Variants in SYT1 observed in about 807,000 individuals in gnomAD.
SYT1 encodes synaptotagmin 1.
Under a neutral mutation model 44.8 loss-of-function variants are expected in SYT1, and 8 were observed. The ratio of observed to expected loss-of-function variants is 0.18; its 90% CI spans 0.10 to 0.32. The LOEUF is 0.32. Among genes scored for constraint, SYT1 ranks in the 10% least tolerant of loss-of-function variants. SYT1 has a pLI of 1.00. For synonymous variants in SYT1, 154 were observed against 188.8 expected, an observed-to-expected ratio of 0.82 and a Z score of 1.51; for missense variants, 286 against 509.3, an observed-to-expected ratio of 0.56 and a Z score of 4.22.
chr12:79,179,518 T>G (rs549065536), intron 3 of SYT1, among the ~76,000 whole-genome samples: 24 of 68,388 alleles, frequency 3.5e-4, no homozygotes, highest in South Asian at 1.1e-3. Context: ...TATAGATATA[T>G]CTATATAGAT....
At chr12:79,160,984 A>G (rs983285469) in intron 3 of SYT1, among the ~76,000 whole-genome samples, 2 of 152,122 alleles carry the variant, frequency 1.3e-5, no homozygotes, top group Admixed American at 1.3e-4. Context: ...TGGAGTCTCA[A>G]CATTTTGGGA....
chr12:79,391,821 T>G (rs1884667772), intron 9 of SYT1, among the ~76,000 whole-genome samples: 1 of 152,170 alleles, frequency 6.6e-6, no homozygotes, highest in Non-Finnish European at 1.5e-5. Flanking sequence ...CAAAGGATTT[T>G]AAAATACTGA....
At chr12:79,115,254 G>C (rs775031432) in intron 3 of SYT1, among the ~76,000 whole-genome samples, 9 of 152,150 alleles carry the variant, frequency 5.9e-5, no homozygotes, top group Non-Finnish European at 1.0e-4. Context: ...GGGCAGGACT[G>C]AGTTGCACAT....
chr12:79,072,611 AACTT>A (rs1251054734), intron 3 of SYT1, among the ~76,000 whole-genome samples: 1 of 152,120 alleles, frequency 6.6e-6, no homozygotes, highest in Non-Finnish European at 1.5e-5. Flanking sequence ...GAATGTTACA[AACTT>A]ACTGTATCCA....
chr12:78,996,312 GA>G (rs1870378148), intron 2 of SYT1, among the ~76,000 whole-genome samples: 1 of 152,168 alleles, frequency 6.6e-6, no homozygotes, highest in South Asian at 2.1e-4. Context: ...TTTTGCCTTA[GA>G]AAAATGTTAC....
intron 2 of SYT1, among the ~76,000 whole-genome samples, chr12:79,007,766 C>A (rs1039089993): frequency 6.6e-6 from 1 of 151,974 alleles, no homozygotes; most frequent in East Asian, 1.9e-4. Flanking sequence ...GAGCTCAATT[C>A]TCATTAGAGA....
At chr12:79,435,757 G>A (rs1565956921) in intron 9 of SYT1, among the ~76,000 whole-genome samples, 1 of 152,106 alleles carries the variant, frequency 6.6e-6, no homozygotes, top group African/African-American at 2.4e-5. Flanking sequence ...TGACATTTTG[G>A]GCCTGGTAAT....
chr12:78,883,147 A>G (rs1167231104), intron 1 of SYT1, among the ~76,000 whole-genome samples: 2 of 151,738 alleles, frequency 1.3e-5, no homozygotes, highest in Non-Finnish European at 3.0e-5. Flanking sequence ...TCGAACAGTA[A>G]TACACTAAAT....
In SYT1 at chr12:79,422,480, G is replaced by T. The variant is rs939642705; in HGVS notation, c.929-21593G>T. On this transcript the variant is annotated intron_variant, in intron 9 of 10. Transcript: ENST00000261205. Reference sequence around the variant, plus strand: ...CTTCTCTGTTCTATCTAGTATAGGTGACTTATTGACTCAATTTCCATAGAC... The same window carrying T: ...CTTCTCTGTTCTATCTAGTATAGGTTACTTATTGACTCAATTTCCATAGAC... Among the ~76,000 whole-genome samples the T allele has an allele frequency of 2.6e-5, 4 of 150,992 alleles. No individual in the cohort carries two copies. In the South Asian group the frequency reaches 8.4e-4, roughly 32 times the overall value.
In SYT1 at chr12:79,296,243, G is replaced by A. The variant is rs747569302; in HGVS notation, c.642+7G>A. On this transcript the variant is annotated splice_region_variant and intron_variant, in intron 7 of 10. Transcript: ENST00000261205. ...TGAGCAATTTACTTTCAAGGTATTT[G>A]TTAACATTTATTTATAACCTTTCCT... The A allele has an allele frequency of 2.5e-6, 4 of 1,610,578 alleles. No individual in the cohort carries two copies. Among genetic ancestry groups the A allele is most frequent in the South Asian group, 1.1e-5 (1 of 90,644 alleles).
At chr12:79,397,814 C>T (rs956201791) in intron 9 of SYT1, among the ~76,000 whole-genome samples, 4 of 152,072 alleles carry the variant, frequency 2.6e-5, no homozygotes, top group Non-Finnish European at 2.9e-5. Flanking sequence ...TAGATTTTTC[C>T]GAGTATATGT....
intron 8 of SYT1, among the ~76,000 whole-genome samples, chr12:79,321,866 A>G (rs977585780): frequency 1.3e-5 from 2 of 152,130 alleles, no homozygotes; most frequent in Admixed American, 6.5e-5. Context: ...ATCATGTGTA[A>G]TTTCTATAGG....
intron 4 of SYT1, among the ~76,000 whole-genome samples, chr12:79,250,787 T>C (rs1183332332): frequency 6.6e-6 from 1 of 152,234 alleles, no homozygotes; most frequent in Non-Finnish European, 1.5e-5. Context: ...CCACCTACCC[T>C]GGCTTCCACA....
intron 2 of SYT1, among the ~76,000 whole-genome samples, chr12:78,991,435 T>C (rs1049881696): frequency 4.6e-5 from 7 of 152,090 alleles, no homozygotes; most frequent in African/African-American, 1.7e-4. Context: ...CTATAGCGAA[T>C]GAAAAAACCT....
intron 1 of SYT1, among the ~76,000 whole-genome samples, chr12:78,938,240 G>A (rs1216346995): frequency 6.6e-6 from 1 of 151,976 alleles, no homozygotes; most frequent in African/African-American, 2.4e-5. Flanking sequence ...CAGGAAAATA[G>A]GACACAGAAA....
Position 79,024,932 on chromosome 12 carries a change from C to G in SYT1, c.-83-22365C>G, listed in dbSNP as rs571656123. Among the ~76,000 whole-genome samples, 4 of 151,854 alleles carry G rather than the reference C, an allele frequency of 2.6e-5. No individual in the cohort carries two copies. In the South Asian group the frequency reaches 8.3e-4, roughly 32 times the overall value. ...TTAAATATTTTCAGGATAGCAGGTA[C>G]TTTATGCTGCATTTATTGTGACCTT... On this transcript the variant is annotated intron_variant, in intron 2 of 10. Transcript: ENST00000261205.
intron 3 of SYT1, among the ~76,000 whole-genome samples, chr12:79,147,966 A>G (rs1302644770): frequency 6.6e-6 from 1 of 152,176 alleles, no homozygotes; most frequent in Non-Finnish European, 1.5e-5. Context: ...TATAATCCAC[A>G]ACAGGTAGTA....
At position 79,376,944 on chromosome 12, in the gene SYT1, G is replaced by A. The variant is rs76686361; in HGVS notation, c.928+23325G>A. ...TTAGATTTCCAGAACTCTTATTCTAGGGCAAACAAGAAAGCAATAAAATCC... is the reference window on the plus strand; with the variant it reads ...TTAGATTTCCAGAACTCTTATTCTAAGGCAAACAAGAAAGCAATAAAATCC... On this transcript the variant is annotated intron_variant, in intron 9 of 10. Coordinates refer to ENST00000261205, the MANE Select transcript of SYT1 (RefSeq NM_005639.3). Among the ~76,000 whole-genome samples the A allele has an allele frequency of 2.8e-3, 425 of 152,116 alleles. 10 individuals are homozygous for A. The East Asian group carries it at 0.049, about 18-fold the overall frequency.
At chr12:79,356,006 G>A (rs1883096751) in intron 9 of SYT1, among the ~76,000 whole-genome samples, 2 of 151,954 alleles carry the variant, frequency 1.3e-5, no homozygotes, top group Admixed American at 6.5e-5. Flanking sequence ...CAGGAAGTAG[G>A]ATAAGGAATA....
Sources: allele counts gnomAD v4.1 joint callset (sites outside exome capture counted in the v4.1 genomes callset), GRCh38; gene constraint gnomAD v4.1.1; transcripts MANE v1.5; gene names NCBI Gene and HGNC (gene_info 2026-07-23, HGNC 2026-07-21).